C5orf63: variants seen among roughly 807,000 people sequenced by gnomAD.
The protein encoded by C5orf63 is chromosome 5 open reading frame 63.
Under a neutral mutation model 13.3 loss-of-function variants are expected in C5orf63, and 18 were observed. That is an observed-to-expected ratio of 1.36 (90% CI 0.94 to 2.01). The LOEUF is 2.01. Among genes scored for constraint, C5orf63 ranks in the 30% most tolerant of loss-of-function variants. The pLI, the probability that C5orf63 is intolerant of heterozygous loss-of-function variation, is 0.00. For synonymous variants in C5orf63, 38 were observed against 44.7 expected (o/e 0.85, Z 0.60); for missense variants, 118 against 127.7 (o/e 0.92, Z 0.36).
chr5:127,043,008 T>C (rs1338094144), downstream of C5orf63: 2 of 152,242 alleles, frequency 1.3e-5, no homozygotes, highest in Non-Finnish European at 2.9e-5. Context: ...ATTTTTGTAC[T>C]CTTCTTTCCT....
At chr5:127,062,246 T>C (rs2126893875) in intron 2 of C5orf63, among the ~76,000 whole-genome samples, 1 of 152,312 alleles carries the variant, frequency 6.6e-6, no homozygotes, top group Non-Finnish European at 1.5e-5. Context: ...CTAAGTAAAG[T>C]CTTCAGTGAT....
chr5:127,060,426 T>C (rs985961762), intron 2 of C5orf63, among the ~76,000 whole-genome samples: 6 of 152,236 alleles, frequency 3.9e-5, no homozygotes, highest in Non-Finnish European at 8.8e-5. Context: ...TCCTCTGTGA[T>C]GCTACAGTCA....
chr5:127,062,476 T>C (rs1440028954), intron 2 of C5orf63, among the ~76,000 whole-genome samples: 2 of 152,216 alleles, frequency 1.3e-5, no homozygotes, highest in Non-Finnish European at 2.9e-5. Flanking sequence ...TATAAAATTA[T>C]ATTAGAGCCT....
intron 2 of C5orf63, among the ~76,000 whole-genome samples, chr5:127,064,036 C>T (rs1244541935): frequency 6.6e-6 from 1 of 152,134 alleles, no homozygotes; most frequent in Non-Finnish European, 1.5e-5. Flanking sequence ...CAATTGATGC[C>T]TCCCCAGTGT....
chr5:127,057,260 G>T (rs1228967783), intron 3 of C5orf63, among the ~76,000 whole-genome samples: 1 of 152,048 alleles, frequency 6.6e-6, no homozygotes, highest in African/African-American at 2.4e-5. Flanking sequence ...ATTAAACTTT[G>T]TTATTAAATA....
chr5:127,052,571 T>A (rs1375812530), intron 4 of C5orf63, 42 bp downstream of exon 4: 6 of 1,296,310 alleles, frequency 4.6e-6, no homozygotes, highest in Non-Finnish European at 6.1e-6. Flanking sequence ...CCACATCTAA[T>A]ATGCAATCCA....
downstream of C5orf63, among the ~76,000 whole-genome samples, chr5:127,048,094 G>A (rs1283857715): frequency 1.3e-5 from 2 of 152,008 alleles, no homozygotes; most frequent in African/African-American, 4.8e-5. Context: ...GCAGTTCCCT[G>A]ATTTGGGCAA....
At chr5:127,050,920 T>A (rs576943728), downstream of C5orf63, among the ~76,000 whole-genome samples, 23 of 152,324 alleles carry the variant, frequency 1.5e-4, no homozygotes, top group Non-Finnish European at 3.2e-4. Flanking sequence ...TAAATATAAA[T>A]AAGGGTACGC....
intron 3 of C5orf63, chr5:127,056,641 G>A (rs763165227): frequency 3.9e-5 from 6 of 152,214 alleles, no homozygotes; most frequent in African/African-American, 4.8e-5. Context: ...GGAGCTATAA[G>A]ATGAGATTTG....
At chr5:127,054,003 T>G (rs1449467417) in intron 3 of C5orf63, among the ~76,000 whole-genome samples, 1 of 152,204 alleles carries the variant, frequency 6.6e-6, no homozygotes, top group African/African-American at 2.4e-5. Flanking sequence ...TAGTTTGTAA[T>G]GTTTTAAGAT....
At chr5:127,067,227 G>C (rs1171298859) in intron 2 of C5orf63, among the ~76,000 whole-genome samples, 2 of 152,114 alleles carry the variant, frequency 1.3e-5, no homozygotes, top group African/African-American at 4.8e-5. Flanking sequence ...AAAAATCTCT[G>C]TGTAAGTTAT....
At chr5:127,072,947 C>T (rs1754608947) in intron 1 of C5orf63, 1 of 152,274 alleles carries the variant, frequency 6.6e-6, no homozygotes, top group South Asian at 2.1e-4. Flanking sequence ...CCAGACAGCT[C>T]ATCCAGAGAG....
At chr5:127,056,289 T>G (rs1367486365) in intron 3 of C5orf63, 1 of 152,484 alleles carries the variant, frequency 6.6e-6, no homozygotes, top group Non-Finnish European at 1.5e-5. Context: ...GATCTGAGGC[T>G]TGGGATGGCT....
intron 2 of C5orf63, among the ~76,000 whole-genome samples, chr5:127,061,129 C>T (rs952056679): frequency 2.0e-5 from 3 of 152,152 alleles, no homozygotes; most frequent in Non-Finnish European, 4.4e-5. Context: ...AAGATCAGTG[C>T]TCCTCAGGGT....
At chr5:127,070,155 T>C (rs1754483251) in intron 2 of C5orf63, among the ~76,000 whole-genome samples, 1 of 152,178 alleles carries the variant, frequency 6.6e-6, no homozygotes, top group Non-Finnish European at 1.5e-5. Context: ...CCATAAGAAT[T>C]AGGCTCTGTT....
chr5:127,043,569 T>A (rs1258887507), downstream of C5orf63: 3 of 152,236 alleles, frequency 2.0e-5, no homozygotes, highest in East Asian at 5.8e-4. Flanking sequence ...GATTTCTAAA[T>A]ATCTTAATCT....
chr5:127,067,304 TTAATAA>T (rs1482336959), intron 2 of C5orf63, among the ~76,000 whole-genome samples: 1 of 152,186 alleles, frequency 6.6e-6, no homozygotes, highest in Non-Finnish European at 1.5e-5. Context: ...GAGATCACTA[TTAATAA>T]TAATGATTCT....
downstream of C5orf63, chr5:127,045,103 C>T (rs1170017040): frequency 1.3e-5 from 2 of 152,288 alleles, no homozygotes; most frequent in South Asian, 2.1e-4. Flanking sequence ...CATCCCACCA[C>T]AATTTTCTTT....
downstream of C5orf63, among the ~76,000 whole-genome samples, chr5:127,050,767 A>C (rs1181978988): frequency 1.3e-5 from 2 of 152,208 alleles, no homozygotes; most frequent in Non-Finnish European, 2.9e-5. Context: ...ATCAAATTAA[A>C]ATCTAGTGAC....
Sources: gnomAD v4.1 joint callset for allele counts (sites outside exome capture counted in the v4.1 genomes callset) on GRCh38, gnomAD v4.1.1 for gene constraint, MANE v1.5 for transcripts, NCBI Gene and HGNC (gene_info 2026-07-23, HGNC 2026-07-21) for gene names.